Variants in GATA4 observed in about 807,000 individuals in gnomAD.
GATA4 encodes the protein transcription factor GATA-4.
Under a neutral mutation model 37.9 loss-of-function variants are expected in GATA4, and 7 were observed. The observed-to-expected ratio is 0.18, with a 90% CI of 0.11 to 0.35. GATA4 has a LOEUF of 0.35. Ranked by LOEUF, GATA4 falls within the 10% of genes least tolerant of loss-of-function variation. The pLI, the probability that GATA4 is intolerant of heterozygous loss-of-function variation, is 1.00. For missense variants in GATA4, 647 were observed against 653.0 expected (o/e 0.99, Z 0.10); for synonymous variants, 372 against 292.6 (o/e 1.27, Z -2.77).
At chr8:11,701,757 C>A (rs1039796917), upstream of GATA4, among the ~76,000 whole-genome samples, 1 of 151,968 alleles carries the variant, frequency 6.6e-6, no homozygotes, top group Non-Finnish European at 1.5e-5. Context: ...CTGTCCCAGG[C>A]GACTTCCAGA....
chr8:11,721,156 G>C (rs997576235), intron 2 of GATA4, among the ~76,000 whole-genome samples: 16 of 151,542 alleles, frequency 1.1e-4, no homozygotes, highest in African/African-American at 3.6e-4. Flanking sequence ...GGCGAAAGTG[G>C]GTTCTACGGA....
intron 2 of GATA4, among the ~76,000 whole-genome samples, chr8:11,712,692 A>T (rs1004518440): frequency 8.4e-5 from 12 of 143,636 alleles, no homozygotes; most frequent in Non-Finnish European, 9.2e-5. Context: ...CACATCTCTA[A>T]AAAAAAAAAA....
intron 2 of GATA4, among the ~76,000 whole-genome samples, chr8:11,713,611 A>G (rs940991112): frequency 6.6e-6 from 1 of 151,648 alleles, no homozygotes; most frequent in African/African-American, 2.4e-5. Flanking sequence ...AAGATGGAGT[A>G]TGACTGTGTC....
At chr8:11,723,501 AT>A (rs1461121979) in intron 2 of GATA4, among the ~76,000 whole-genome samples, 4 of 152,178 alleles carry the variant, frequency 2.6e-5, no homozygotes, top group Admixed American at 2.0e-4. Flanking sequence ...CTTGCTTTCC[AT>A]CCTATAAAAT....
chr8:11,678,663 G>C (rs1374429395), intron 1 of GATA4, among the ~76,000 whole-genome samples: 4 of 152,226 alleles, frequency 2.6e-5, no homozygotes, highest in Non-Finnish European at 5.9e-5. Context: ...AGTAGCAGTA[G>C]TTGTTGTAGT....
chr8:11,738,640 A>G (rs1035922236), intron 2 of GATA4, among the ~76,000 whole-genome samples: 5 of 152,236 alleles, frequency 3.3e-5, no homozygotes, highest in Admixed American at 6.5e-5. Context: ...GTACATCTGG[A>G]GGATAAATTC....
intron 2 of GATA4, among the ~76,000 whole-genome samples, chr8:11,738,277 G>A (rs1396974032): frequency 6.6e-6 from 1 of 151,054 alleles, no homozygotes; most frequent in African/African-American, 2.4e-5. Flanking sequence ...ACAATGAGAA[G>A]TCCTTCCGTG....
In GATA4 at chr8:11,758,606, A is replaced by G. The variant is rs1432893347; in HGVS notation, c.*131A>G. On this transcript the variant is annotated 3_prime_UTR_variant, in exon 7 of 7. Coordinates refer to ENST00000532059, the MANE Select transcript of GATA4 (RefSeq NM_001308093.3). Reference sequence around the variant, plus strand: ...ACTCCAGAACAACAACTGGGAAGAAACTTGAAGTCGACAATCTGGTTAGGG... The same window carrying G: ...ACTCCAGAACAACAACTGGGAAGAAGCTTGAAGTCGACAATCTGGTTAGGG... 1 of 882,620 alleles carries G rather than the reference A, an allele frequency of 1.1e-6. No homozygotes were observed. Among genetic ancestry groups the G allele is most frequent in the Admixed American group, 1.9e-5 (1 of 51,498 alleles). The allele number at this position is 882,620 out of a possible 1,614,324, so 54.7% of individuals were successfully genotyped here.
At chr8:11,720,536 T>C (rs1386658884) in intron 2 of GATA4, among the ~76,000 whole-genome samples, 1 of 152,202 alleles carries the variant, frequency 6.6e-6, no homozygotes, top group Non-Finnish European at 1.5e-5. Context: ...TTACAGATTA[T>C]TTCATCACCC....
Position 11,749,469 on chromosome 8 carries a change from G to A in GATA4, c.786+384G>A, listed in dbSNP as rs1413942601. Among the ~76,000 whole-genome samples, 1 of 152,172 alleles carries A rather than the reference G, an allele frequency of 6.6e-6. No homozygotes were observed. Among genetic ancestry groups the A allele is most frequent in the African/African-American group, 2.4e-5 (1 of 41,432 alleles). On this transcript the variant is annotated intron_variant, in intron 3 of 6. Transcript: ENST00000532059. This position sits in a 1 kb window ranked among gnomAD's most constrained non-coding sequence, Gnocchi z 4.6. ...TGCAAGGAAGGTCACCTCAGAGGCT[G>A]GTCTCTACCCTGACCTCAGTTGATC...
chr8:11,739,739 T>G (rs997153167), intron 2 of GATA4, among the ~76,000 whole-genome samples: 6 of 141,720 alleles, frequency 4.2e-5, no homozygotes, highest in Non-Finnish European at 7.5e-5. Context: ...GCAGAGCTTC[T>G]GTCGTGTGCG....
chr8:11,727,050 C>G (rs1037133140), intron 2 of GATA4, among the ~76,000 whole-genome samples: 1 of 152,166 alleles, frequency 6.6e-6, no homozygotes, highest in Admixed American at 6.5e-5. Flanking sequence ...GAGAGCTGTG[C>G]GTGCCAGCCA....
At chr8:11,692,992 G>T (rs1365515949) in intron 1 of GATA4, 1 of 985,276 alleles carries the variant, frequency 1.0e-6, no homozygotes. Context: ...CATCACCCGG[G>T]CTGCACCCCC....
chr8:11,739,930 C>T (rs1056153042), intron 2 of GATA4, among the ~76,000 whole-genome samples: 1 of 152,210 alleles, frequency 6.6e-6, no homozygotes. Flanking sequence ...GCCCCTTGCT[C>T]CTGGACCCTC....
rs574855967 is a variant in GATA4, at chr8:11,717,692, C to CGCTT, written c.616+8765_616+8768dup. On this transcript the variant is annotated intron_variant, in intron 2 of 6. Coordinates refer to ENST00000532059, the MANE Select transcript of GATA4 (RefSeq NM_001308093.3). Reference sequence around the variant, plus strand: ...TTTTCCATGACTTGTCGCTCCCATCCGCTTCCTCTCCCCAGGGTAGCTTCT... The same window carrying CGCTT: ...TTTTCCATGACTTGTCGCTCCCATCCGCTTGCTTCCTCTCCCCAGGGTAGCTTCT... 2.3e-4 allele frequency among the ~76,000 whole-genome samples: 35 copies of CGCTT among 152,342 alleles called. No homozygotes were observed. In the South Asian group the frequency reaches 7.0e-3, roughly 31 times the overall value.
rs1160652722 is a variant in GATA4 at position 11,697,614 on chromosome 8, C to T, written c.-728-2894C>T. 5.1e-6 allele frequency: 5 copies of T among 985,330 alleles called. No homozygotes were observed. The African/African-American group carries it at 5.2e-5, about 10-fold the overall frequency. The allele number at this position is 985,330 out of a possible 1,614,324, so 61.0% of individuals were successfully genotyped here. ...CTCGCCTGCGCCGAGGATGGCCGGACGGCCGGGCCTCCGGCCCCAGCACAG... is the reference window on the plus strand; with the variant it reads ...CTCGCCTGCGCCGAGGATGGCCGGATGGCCGGGCCTCCGGCCCCAGCACAG... On this transcript the variant is annotated intron_variant, in intron 1 of 2. Coordinates refer to the GATA4 transcript ENST00000526974.
upstream of GATA4, among the ~76,000 whole-genome samples, chr8:11,690,625 T>C (rs74824963): frequency 0.038 from 5,838 of 152,046 alleles, 153 homozygotes; most frequent in East Asian, 0.11. Context: ...CTTCTGGAGG[T>C]TAAGCAAGAG....
upstream of GATA4, among the ~76,000 whole-genome samples, chr8:11,703,890 AG>A (rs979832052): frequency 6.6e-6 from 1 of 152,126 alleles, no homozygotes; most frequent in East Asian, 1.9e-4. Flanking sequence ...GACCACAGGA[AG>A]GGGGGGCGGG....
chr8:11,681,367 G>T (rs986826434), intron 1 of GATA4: 2 of 985,156 alleles, frequency 2.0e-6, no homozygotes, highest in Non-Finnish European at 2.4e-6. Flanking sequence ...GTCCCCCTAG[G>T]TCTCATAAAA....
Sources: gnomAD v4.1 joint callset for allele counts (sites outside exome capture counted in the v4.1 genomes callset) on GRCh38, gnomAD v4.1.1 for gene constraint, Gnocchi (gnomAD v3.1) non-coding constraint, MANE v1.5 for transcripts, NCBI Gene and HGNC (gene_info 2026-07-23, HGNC 2026-07-21) for gene names.